EFL1: variants seen among roughly 807,000 people sequenced by gnomAD.
EFL1 encodes the protein elongation factor like GTPase 1, also known as elongation factor-like GTPase 1.
In EFL1, 76 loss-of-function variants were observed where a neutral mutation model predicts 126.7. The observed-to-expected ratio is 0.60, with a 90% CI of 0.50 to 0.73. The LOEUF (loss-of-function observed/expected upper bound fraction) is 0.73. Among genes scored for constraint, EFL1 ranks in the 30% least tolerant of loss-of-function variants. The pLI, the probability that EFL1 is intolerant of heterozygous loss-of-function variation, is 0.00. For missense variants in EFL1, 1,128 were observed against 1,343.2 expected (o/e 0.84, Z 2.50); for synonymous variants, 410 against 448.4 (o/e 0.91, Z 1.08).
chr15:82,165,518 A>T (rs2074069895), intron 15 of EFL1, among the ~76,000 whole-genome samples: 1 of 152,204 alleles, frequency 6.6e-6, no homozygotes. Context: ...ACTACACAGT[A>T]TGGAAACCTC....
At position 82,262,617 on chromosome 15, in the gene EFL1, C is replaced by A. The variant is rs865948390; in HGVS notation, c.-23G>T. 51 of 413,722 alleles carry A rather than the reference C, an allele frequency of 1.2e-4. No homozygotes were observed. Among genetic ancestry groups the A allele is most frequent in the Middle Eastern group, 7.1e-4 (1 of 1,412 alleles). 25.6% of individuals were successfully genotyped at this position (413,722 alleles called of 1,614,324 possible). A position where few individuals can be genotyped will look rare whatever the true frequency, so the allele number is the denominator to read the frequency against. On this transcript the variant is annotated 5_prime_UTR_variant, in exon 1 of 20. Coordinates refer to ENST00000268206, the MANE Select transcript of EFL1 (RefSeq NM_024580.6). Reference sequence around the variant, plus strand: ...CCCAGCGCCAGCCCACACTCACCGGCTGCAGCAGCCCCACCAGCCCCGCTC... The same window carrying A: ...CCCAGCGCCAGCCCACACTCACCGGATGCAGCAGCCCCACCAGCCCCGCTC...
At position 82,130,276 on chromosome 15, in the gene EFL1, CA is replaced by C. The variant is rs2141202829; in HGVS notation, c.*96del. On this transcript the variant is annotated 3_prime_UTR_variant, in exon 20 of 20. Coordinates refer to ENST00000268206, the MANE Select transcript of EFL1 (RefSeq NM_024580.6). ...ATCAACTTTATTGAAAGTGAATAAA[CA>C]GAGATAATGTGGCAAAAAGAAATTT... 1 of 1,244,376 alleles carries C rather than the reference CA, an allele frequency of 8.0e-7. No homozygotes were observed. The highest frequency in any genetic ancestry group is 2.5e-5 in the East Asian group (1 of 40,392). The allele number at this position is 1,244,376 out of a possible 1,614,324, so 77.1% of individuals were successfully genotyped here. A position where few individuals can be genotyped will look rare whatever the true frequency, so the allele number is the denominator to read the frequency against.
At chr15:82,167,847 T>C (rs1224086634) in intron 15 of EFL1, among the ~76,000 whole-genome samples, 1 of 152,216 alleles carries the variant, frequency 6.6e-6, no homozygotes, top group Non-Finnish European at 1.5e-5. Context: ...AACGTTAGAA[T>C]ATGGTCTCTT....
At position 82,130,445 on chromosome 15, in the gene EFL1, C is replaced by A; in HGVS notation, c.3291G>T (p.Arg1097=). 6.2e-7 allele frequency: 1 copy of A among 1,614,182 alleles called. No individual in the cohort carries two copies. Among genetic ancestry groups the A allele is most frequent in the Non-Finnish European group, 8.5e-7 (1 of 1,180,038 alleles). The change falls in exon 20 of 20, where the codon CGG becomes CGT. Residue 1097 remains arginine (R), a synonymous_variant. Coordinates refer to ENST00000268206, the MANE Select transcript of EFL1 (RefSeq NM_024580.6). The part of the protein sequence containing the change: ...ARKYMNAVRK[R]KGLYVEEKIV... ...TCTTTTCTTCCACATAAAGCCCCTT[C>A]CGCTTTCGTACTGCGTTCATGTACT...
chr15:82,144,915 C>T (rs577113799), intron 18 of EFL1, among the ~76,000 whole-genome samples: 10 of 151,808 alleles, frequency 6.6e-5, no homozygotes, highest in African/African-American at 2.4e-4. Context: ...ATTGCTTGAA[C>T]CTGGGAAGCA....
chr15:82,147,657 G>A (rs1265328082), intron 18 of EFL1, among the ~76,000 whole-genome samples: 3 of 146,920 alleles, frequency 2.0e-5, no homozygotes, highest in Non-Finnish European at 4.5e-5. Flanking sequence ...GAAAGATATC[G>A]TTTCAAACAC....
chr15:82,250,453 T>C (rs1206586661), intron 4 of EFL1, among the ~76,000 whole-genome samples: 5 of 130,112 alleles, frequency 3.8e-5, no homozygotes, highest in African/African-American at 1.5e-4. Flanking sequence ...TGGGCTGGCA[T>C]GAAAAGATAA....
Position 82,226,650 on chromosome 15 carries a change from G to C in EFL1, c.1192+800C>G, listed in dbSNP as rs535241599. Among the ~76,000 whole-genome samples, 78 of 152,294 alleles carry C rather than the reference G, an allele frequency of 5.1e-4. 1 individual carries two copies. Among genetic ancestry groups the C allele is most frequent in the African/African-American group, 1.8e-3 (73 of 41,552 alleles). Reference sequence around the variant, plus strand: ...ACAACACAGTGTAGAGGGAGTTCTAGATATCAGTCCAGAGTCCAGAAAACA... The same window carrying C: ...ACAACACAGTGTAGAGGGAGTTCTACATATCAGTCCAGAGTCCAGAAAACA... On this transcript the variant is annotated intron_variant, in intron 11 of 19. Coordinates refer to ENST00000268206, the MANE Select transcript of EFL1 (RefSeq NM_024580.6).
intron 6 of EFL1, 64 bp downstream of exon 6, chr15:82,240,354 C>A: frequency 6.7e-7 from 1 of 1,489,730 alleles, no homozygotes; most frequent in Non-Finnish European, 9.1e-7. Flanking sequence ...TCATACCCAG[C>A]TCAGTAACTT....
At position 82,158,830 on chromosome 15, in the gene EFL1, A is replaced by G. The variant is rs560083593; in HGVS notation, c.1883-970T>C. Among the ~76,000 whole-genome samples the G allele has an allele frequency of 4.1e-4, 62 of 152,366 alleles. 1 individual carries two copies. The highest frequency in any genetic ancestry group is 3.4e-3 in the Middle Eastern group (1 of 294). On this transcript the variant is annotated intron_variant, in intron 16 of 19. Coordinates refer to ENST00000268206, the MANE Select transcript of EFL1 (RefSeq NM_024580.6). ...TCATAGCACTAACAATGTGCCAGAC[A>G]AGCACTTTACATATATGAGCTCATT...
intron 7 of EFL1, among the ~76,000 whole-genome samples, chr15:82,232,832 T>C (rs1310874700): frequency 3.9e-5 from 6 of 152,254 alleles, no homozygotes; most frequent in Non-Finnish European, 8.8e-5. Flanking sequence ...TTCATACATT[T>C]ATTGGTATAA....
At chr15:82,131,302 T>G (rs764509612) in intron 19 of EFL1, among the ~76,000 whole-genome samples, 10 of 152,142 alleles carry the variant, frequency 6.6e-5, no homozygotes, top group Non-Finnish European at 1.0e-4. Context: ...CATATATTTT[T>G]TTATTTAAGA....
chr15:82,231,334 A>G (rs2074820160), intron 7 of EFL1, among the ~76,000 whole-genome samples: 1 of 152,190 alleles, frequency 6.6e-6, no homozygotes, highest in South Asian at 2.1e-4. Context: ...ATTTTATTTC[A>G]GCTACTCACT....
intron 18 of EFL1, among the ~76,000 whole-genome samples, chr15:82,139,537 A>ACATCTGCCTC (rs2073761971): frequency 6.6e-6 from 1 of 152,180 alleles, no homozygotes; most frequent in African/African-American, 2.4e-5. Flanking sequence ...TCAGGAGGGA[A>ACATCTGCCTC]ACATCTTCCC....
rs1350892238 is a variant in EFL1, at chr15:82,235,781, C to G, written c.731+2526G>C. ...AGGCTTAATGCTTTCCTCCTAAGACCAAGAACAAGGCAAGGATGCCCACTC... is the reference window on the plus strand; with the variant it reads ...AGGCTTAATGCTTTCCTCCTAAGACGAAGAACAAGGCAAGGATGCCCACTC... On this transcript the variant is annotated intron_variant, in intron 7 of 19. Coordinates refer to ENST00000268206, the MANE Select transcript of EFL1 (RefSeq NM_024580.6). Among the ~76,000 whole-genome samples the G allele has an allele frequency of 6.6e-5, 10 of 152,102 alleles. No homozygotes were observed. The East Asian group carries it at 1.9e-3, about 29-fold the overall frequency.
At chr15:82,224,829 T>TAGGCAGAATTAGATGAGACA (rs1286163323) in intron 12 of EFL1, among the ~76,000 whole-genome samples, 2 of 152,182 alleles carry the variant, frequency 1.3e-5, no homozygotes, top group Non-Finnish European at 2.9e-5. Context: ...TCTACTGAGG[T>TAGGCAGAATTAGATGAGACA]AGGCAGAATT....
At chr15:82,185,351 G>A (rs1274833172) in intron 15 of EFL1, among the ~76,000 whole-genome samples, 5 of 151,920 alleles carry the variant, frequency 3.3e-5, no homozygotes, top group Admixed American at 6.6e-5. Context: ...ACACATATGT[G>A]TGACTATTAA....
At chr15:82,259,772 T>C (rs1386602492) in intron 2 of EFL1, among the ~76,000 whole-genome samples, 1 of 152,178 alleles carries the variant, frequency 6.6e-6, no homozygotes, top group Non-Finnish European at 1.5e-5. Flanking sequence ...ACAACTGGGT[T>C]GGAGTAAGCA....
chr15:82,223,495 A>G (rs1410361567), intron 12 of EFL1, among the ~76,000 whole-genome samples: 1 of 152,228 alleles, frequency 6.6e-6, no homozygotes, highest in Non-Finnish European at 1.5e-5. Flanking sequence ...TAGGAAAAAC[A>G]TTCACAGAAA....
Sources: allele counts gnomAD v4.1 joint callset (sites outside exome capture counted in the v4.1 genomes callset), GRCh38; gene constraint gnomAD v4.1.1; transcripts MANE v1.5; gene names NCBI Gene and HGNC (gene_info 2026-07-23, HGNC 2026-07-21).